The following GALNT10 variants were observed in gnomAD, a reference collection of about 807,000 sequenced individuals.
GALNT10 encodes GalNAc transferase 10.
In GALNT10, 41 loss-of-function variants were observed where a neutral mutation model predicts 75.0. The observed-to-expected ratio is 0.55, with a 90% CI of 0.43 to 0.71. The LOEUF is 0.71. Ranked by LOEUF, GALNT10 falls within the 30% of genes least tolerant of loss-of-function variation. The probability of loss-of-function intolerance (pLI) is 0.00; values close to 1 mark genes in which losing one functional copy is unlikely to be tolerated. For missense variants in GALNT10, 727 were observed against 818.5 expected, an observed-to-expected ratio of 0.89 and a Z score of 1.36; for synonymous variants, 302 against 313.0, an observed-to-expected ratio of 0.96 and a Z score of 0.37.
At chr5:154,229,334 T>C (rs1753111369) in intron 1 of GALNT10, among the ~76,000 whole-genome samples, 1 of 152,246 alleles carries the variant, frequency 6.6e-6, no homozygotes, top group Non-Finnish European at 1.5e-5. Flanking sequence ...TAATTTCTTA[T>C]CTACTTGCAT....
chr5:154,285,168 G>T (rs1045610651), intron 1 of GALNT10, among the ~76,000 whole-genome samples: 1 of 152,064 alleles, frequency 6.6e-6, no homozygotes, highest in Non-Finnish European at 1.5e-5. Context: ...CCTAGAGTAG[G>T]CTCCCCCAGC....
At chr5:154,216,840 T>G (rs1752881150) in intron 1 of GALNT10, among the ~76,000 whole-genome samples, 1 of 152,190 alleles carries the variant, frequency 6.6e-6, no homozygotes, top group South Asian at 2.1e-4. Flanking sequence ...TATATTGTCA[T>G]GTTCACATCT....
chr5:154,230,663 T>G (rs971766589), intron 1 of GALNT10, among the ~76,000 whole-genome samples: 14 of 152,234 alleles, frequency 9.2e-5, no homozygotes, highest in African/African-American at 3.4e-4. Context: ...CTCTCTTGCA[T>G]AGGACCACCT....
chr5:154,384,675 G>A (rs1309566998), intron 6 of GALNT10, among the ~76,000 whole-genome samples: 2 of 152,196 alleles, frequency 1.3e-5, no homozygotes, highest in African/African-American at 2.4e-5. Flanking sequence ...TGAGGGTTCC[G>A]AATTTCTCAC....
At chr5:154,245,365 T>C (rs989871722) in intron 1 of GALNT10, among the ~76,000 whole-genome samples, 5 of 152,214 alleles carry the variant, frequency 3.3e-5, no homozygotes, top group African/African-American at 1.2e-4. Flanking sequence ...CTATGTGCCC[T>C]GCATGGTGCT....
intron 1 of GALNT10, among the ~76,000 whole-genome samples, chr5:154,267,191 G>T (rs1321934256): frequency 6.6e-6 from 1 of 152,204 alleles, no homozygotes; most frequent in African/African-American, 2.4e-5. Context: ...TCATGGCGTG[G>T]TAAGTACGAT....
At chr5:154,283,901 A>T (rs1754077923) in intron 1 of GALNT10, among the ~76,000 whole-genome samples, 1 of 152,230 alleles carries the variant, frequency 6.6e-6, no homozygotes, top group Non-Finnish European at 1.5e-5. Flanking sequence ...TCCCCTGACC[A>T]ATGCCAGCTG....
At chr5:154,358,195 G>A (rs1177932853) in intron 4 of GALNT10, among the ~76,000 whole-genome samples, 2 of 152,164 alleles carry the variant, frequency 1.3e-5, no homozygotes, top group Non-Finnish European at 2.9e-5. Flanking sequence ...TGGAGGCCTC[G>A]TCTGATCTTG....
chr5:154,200,290 G>T (rs550868895), intron 1 of GALNT10, among the ~76,000 whole-genome samples: 1 of 152,164 alleles, frequency 6.6e-6, no homozygotes, highest in Non-Finnish European at 1.5e-5. Flanking sequence ...AGCCCAGTTC[G>T]CCAGGGTTCT....
intron 1 of GALNT10, among the ~76,000 whole-genome samples, chr5:154,266,708 C>G (rs1267123059): frequency 6.6e-6 from 1 of 151,850 alleles, no homozygotes; most frequent in Non-Finnish European, 1.5e-5. Context: ...GACCCTGTCT[C>G]TATAAAAATA....
intron 3 of GALNT10, among the ~76,000 whole-genome samples, chr5:154,323,733 C>T (rs1053121968): frequency 1.3e-5 from 2 of 152,244 alleles, no homozygotes; most frequent in African/African-American, 4.8e-5. Context: ...CCCTCAGCAT[C>T]CCTTCCTCCT....
chr5:154,301,452 T>C (rs1754356388), intron 3 of GALNT10, among the ~76,000 whole-genome samples: 1 of 152,146 alleles, frequency 6.6e-6, no homozygotes, highest in Non-Finnish European at 1.5e-5. Context: ...TGTGATGTTT[T>C]GATATGGGCA....
chr5:154,263,777 C>T (rs562782382), intron 1 of GALNT10, among the ~76,000 whole-genome samples: 25 of 152,236 alleles, frequency 1.6e-4, no homozygotes, highest in South Asian at 6.2e-4. Flanking sequence ...GACCCAATCA[C>T]TCCCAAAGGC....
rs139096492 is a variant in GALNT10 at position 154,358,265 on chromosome 5, G to C, written c.569-18012G>C. Among the ~76,000 whole-genome samples the C allele has an allele frequency of 8.1e-4, 123 of 152,258 alleles. 1 individual carries two copies. The East Asian group carries it at 0.022, about 28-fold the overall frequency. On this transcript the variant is annotated intron_variant, in intron 4 of 11. Coordinates refer to ENST00000297107, the MANE Select transcript of GALNT10 (RefSeq NM_198321.4). ...ATGGGGGGACGTGTCTCTAGTAAAT[G>C]CAAATTGGGAAAGTGGGGTCTCCTT...
chr5:154,191,303 T>G (rs904255101), intron 1 of GALNT10, among the ~76,000 whole-genome samples: 4 of 152,158 alleles, frequency 2.6e-5, no homozygotes, highest in Non-Finnish European at 4.4e-5. Context: ...CCTTGACGTC[T>G]TCCAGCGGAT....
chr5:154,310,447 TTTTTTGTTTG>T (rs1436850379), intron 3 of GALNT10, among the ~76,000 whole-genome samples: 6 of 83,560 alleles, frequency 7.2e-5, no homozygotes, highest in East Asian at 6.1e-4. Flanking sequence ...TTTTGTTTTT[TTTTTTGTTTG>T]TTTGTTTGTT....
At chr5:154,265,632 C>T (rs963389188) in intron 1 of GALNT10, among the ~76,000 whole-genome samples, 1 of 152,166 alleles carries the variant, frequency 6.6e-6, no homozygotes, top group Non-Finnish European at 1.5e-5. Context: ...CAAGTTATTA[C>T]CCTCCTAGGA....
At position 154,372,707 on chromosome 5, in the gene GALNT10, G is replaced by A. The variant is rs1055728238; in HGVS notation, c.569-3570G>A. Among the ~76,000 whole-genome samples, 5 of 152,236 alleles carry A rather than the reference G, an allele frequency of 3.3e-5. No individual in the cohort carries two copies. The South Asian group carries it at 1.0e-3, about 32-fold the overall frequency. ...CCCACCTGAGGGGTGAGGGAGCTCC[G>A]GGGGTTGTTGGCCGAGGTCCGACAC... On this transcript the variant is annotated intron_variant, in intron 4 of 11. Transcript: ENST00000297107.
At chr5:154,405,323 G>A (rs775083438) in intron 8 of GALNT10, among the ~76,000 whole-genome samples, 1 of 152,328 alleles carries the variant, frequency 6.6e-6, no homozygotes, top group African/African-American at 2.4e-5. Flanking sequence ...TCAGTGGGTG[G>A]GAGCTGAGCT....
Sources: gnomAD v4.1 joint callset for allele counts (sites outside exome capture counted in the v4.1 genomes callset) on GRCh38, gnomAD v4.1.1 for gene constraint, MANE v1.5 for transcripts, NCBI Gene and HGNC (gene_info 2026-07-23, HGNC 2026-07-21) for gene names.